STK32C: variants seen among roughly 807,000 people sequenced by gnomAD.
STK32C encodes the protein serine/threonine kinase 32C, also known as serine/threonine-protein kinase 32C.
Under a neutral mutation model 56.5 loss-of-function variants are expected in STK32C, and 31 were observed. The observed-to-expected ratio is 0.55, with a 90% CI of 0.41 to 0.74. The LOEUF (loss-of-function observed/expected upper bound fraction) is 0.74. Ranked by LOEUF, STK32C falls within the 30% of genes least tolerant of loss-of-function variation. The pLI is 0.00. For missense variants in STK32C, 544 were observed against 676.9 expected (o/e 0.80, Z 2.18); for synonymous variants, 309 against 289.4 (o/e 1.07, Z -0.69).
upstream of STK32C, among the ~76,000 whole-genome samples, chr10:132,312,644 G>A (rs2066243216): frequency 6.6e-6 from 1 of 152,106 alleles, no homozygotes; most frequent in Non-Finnish European, 1.5e-5. Context: ...AAGAATTCTT[G>A]GTGGCTCAAT....
chr10:132,221,830 A>G (rs1411382220), intron 10 of STK32C, among the ~76,000 whole-genome samples: 4 of 101,642 alleles, frequency 3.9e-5, no homozygotes, highest in Non-Finnish European at 3.8e-5. Flanking sequence ...AACTGACATC[A>G]ACGCACCTGG....
intron 1 of STK32C, among the ~76,000 whole-genome samples, chr10:132,294,852 G>A (rs1359792462): frequency 6.6e-6 from 1 of 152,168 alleles, no homozygotes; most frequent in Non-Finnish European, 1.5e-5. Context: ...CACGGAGACA[G>A]GCCACAGGTC....
At chr10:132,238,892 CAG>C (rs1332503605) in intron 2 of STK32C, among the ~76,000 whole-genome samples, 7 of 152,326 alleles carry the variant, frequency 4.6e-5, no homozygotes, top group African/African-American at 1.7e-4. Context: ...TATGCACACA[CAG>C]AGGAGCGGGC....
intron 4 of STK32C, 57 bp from the exon 5 acceptor site, chr10:132,225,841 G>A (rs368766142): frequency 6.2e-7 from 1 of 1,608,602 alleles, no homozygotes; most frequent in Non-Finnish European, 8.5e-7. Context: ...TTCTGCCCTG[G>A]AATCTCTGTC....
At chr10:132,245,290 T>C (rs918883683) in intron 2 of STK32C, among the ~76,000 whole-genome samples, 1 of 152,204 alleles carries the variant, frequency 6.6e-6, no homozygotes, top group African/African-American at 2.4e-5. Context: ...ACAACAGAGC[T>C]GCGCGCAGAA....
At chr10:132,249,942 C>T (rs1003517283) in intron 1 of STK32C, among the ~76,000 whole-genome samples, 37 of 152,370 alleles carry the variant, frequency 2.4e-4, no homozygotes, top group African/African-American at 8.7e-4. Context: ...TTCCAGCACT[C>T]AGCGGAGGAG....
chr10:132,254,569 G>A (rs1381487328), intron 1 of STK32C, among the ~76,000 whole-genome samples: 18 of 63,728 alleles, frequency 2.8e-4, no homozygotes, highest in East Asian at 4.3e-4. Flanking sequence ...ATGTCACCCC[G>A]GCACAATGCG....
At chr10:132,331,790 C>A in exon 1 of STK32C, 1 of 1,605,298 alleles carries the variant, frequency 6.2e-7, no homozygotes, top group Non-Finnish European at 8.5e-7. Flanking sequence ...CAGACCCTCG[C>A]GGTCTCTACT....
intron 10 of STK32C, among the ~76,000 whole-genome samples, chr10:132,221,593 C>G (rs1007304105): frequency 2.8e-5 from 4 of 141,454 alleles, no homozygotes; most frequent in Non-Finnish European, 4.5e-5. Context: ...ACCGATACAC[C>G]TGGGTGAGTG....
Position 132,224,502 on chromosome 10 carries a change from T to C in STK32C, c.898A>G (p.Ser300Gly). 4.4e-6 allele frequency: 7 copies of C among 1,591,412 alleles called. No homozygotes were observed. Among genetic ancestry groups the C allele is most frequent in the Non-Finnish European group, 6.0e-6 (7 of 1,169,656 alleles). ...RGWRPYDIHS[S>G]NAVESLVQLF... ...TGCACCAGGGACTCCACGGCGTTGC[T>C]GGAGTGGATGTCATAGGGCCTCTGG... is the stretch of plus-strand genomic sequence containing the variant. Residue 300 changes from serine (S) to glycine (G), a missense_variant, in exon 8 of 12, where the codon AGC becomes GGC. By Grantham distance (56) the Ser-to-Gly change is moderately conservative. Coordinates refer to ENST00000298630, the MANE Select transcript of STK32C (RefSeq NM_173575.4).
intron 10 of STK32C, among the ~76,000 whole-genome samples, chr10:132,212,631 G>A (rs985843498): frequency 6.6e-6 from 1 of 152,174 alleles, no homozygotes; most frequent in Non-Finnish European, 1.5e-5. Flanking sequence ...GATAGCCCAT[G>A]GAACAGGAGG....
intron 1 of STK32C, among the ~76,000 whole-genome samples, chr10:132,264,707 C>T (rs2064438769): frequency 6.6e-6 from 1 of 152,164 alleles, no homozygotes; most frequent in Admixed American, 6.5e-5. Context: ...TCGCATGGGG[C>T]ACACCCCCAC....
At chr10:132,266,524 G>A (rs550414629) in intron 1 of STK32C, among the ~76,000 whole-genome samples, 102 of 152,278 alleles carry the variant, frequency 6.7e-4, no homozygotes, top group African/African-American at 2.2e-3. Flanking sequence ...TAGTGGAAGC[G>A]TTTTAGGCAT....
intron 1 of STK32C, among the ~76,000 whole-genome samples, chr10:132,275,939 C>G (rs1000868898): frequency 6.6e-6 from 1 of 152,158 alleles, no homozygotes; most frequent in Non-Finnish European, 1.5e-5. Flanking sequence ...AAACCTCAGC[C>G]CCCCACCCCG....
chr10:132,298,134 A>G lies in STK32C; in HGVS notation c.262+9438T>C, dbSNP rs150426289. Among the ~76,000 whole-genome samples, 593 of 152,246 alleles carry G rather than the reference A, an allele frequency of 3.9e-3. 12 individuals are homozygous for G. The highest frequency in any genetic ancestry group is 4.8e-3 in the East Asian group (25 of 5,176). ...AACTCGTCCCTGCTCTCCCGGCCCC[A>G]TGTCCAGCTCTTCCAAACAGCCCGG... On this transcript the variant is annotated intron_variant, in intron 1 of 11. Coordinates refer to ENST00000298630, the MANE Select transcript of STK32C (RefSeq NM_173575.4).
At chr10:132,221,812 A>G (rs1417140820) in intron 10 of STK32C, among the ~76,000 whole-genome samples, 7 of 124,670 alleles carry the variant, frequency 5.6e-5, no homozygotes, top group Non-Finnish European at 8.1e-5. Flanking sequence ...ATCCCTGCAC[A>G]CACTCACAAC....
Position 132,225,647 on chromosome 10 carries a change from C to T in STK32C, c.683-31G>A, listed in dbSNP as rs549305020. On this transcript the variant is annotated intron_variant, in intron 5 of 11. Transcript: ENST00000298630. Reference sequence around the variant, plus strand: ...CAGAGAGGGGTCAGGTGTGGCTGTCCCAGGACCAGAGATGCATCCTTGCGT... The same window carrying T: ...CAGAGAGGGGTCAGGTGTGGCTGTCTCAGGACCAGAGATGCATCCTTGCGT... 4.0e-5 allele frequency: 65 copies of T among 1,608,086 alleles called. No individual in the cohort carries two copies. In the Middle Eastern group the frequency reaches 1.2e-3, roughly 29 times the overall value.
intron 1 of STK32C, among the ~76,000 whole-genome samples, chr10:132,318,313 A>C (rs927068471): frequency 1.3e-5 from 2 of 151,034 alleles, no homozygotes; most frequent in Admixed American, 6.6e-5. Flanking sequence ...TCTAATAAAA[A>C]CGTAGGTAAA....
intron 1 of STK32C, among the ~76,000 whole-genome samples, chr10:132,265,771 G>A (rs980284054): frequency 6.6e-6 from 1 of 152,208 alleles, no homozygotes; most frequent in Non-Finnish European, 1.5e-5. Context: ...GAGAGAGGCT[G>A]TCCTTAGTCG....
Sources: gnomAD v4.1 joint callset for allele counts (sites outside exome capture counted in the v4.1 genomes callset) on GRCh38, gnomAD v4.1.1 for gene constraint, MANE v1.5 for transcripts, NCBI Gene and HGNC (gene_info 2026-07-23, HGNC 2026-07-21) for gene names.